PLCB4: variants seen among roughly 807,000 people sequenced by gnomAD.
The protein encoded by PLCB4 is phospholipase C beta 4, also known as 1-phosphatidylinositol 4,5-bisphosphate phosphodiesterase beta-4.
In PLCB4, 77 loss-of-function variants were observed where a neutral mutation model predicts 178.8. That is an observed-to-expected ratio of 0.43 (90% confidence interval 0.36 to 0.52). The LOEUF (loss-of-function observed/expected upper bound fraction) is 0.52. Among genes scored for constraint, PLCB4 ranks in the 20% least tolerant of loss-of-function variants. The pLI is 0.00. For missense variants in PLCB4, 1,024 were observed against 1,453.4 expected, an observed-to-expected ratio of 0.70 and a Z score of 4.80; for synonymous variants, 496 against 490.8, an observed-to-expected ratio of 1.01 and a Z score of -0.14.
chr20:9,235,384 AG>A (rs1422688023), intron 3 of PLCB4, among the ~76,000 whole-genome samples: 1 of 152,212 alleles, frequency 6.6e-6, no homozygotes, highest in East Asian at 1.9e-4. Flanking sequence ...TGCTCCTGTT[AG>A]GCCATAAATG....
intron 28 of PLCB4, among the ~76,000 whole-genome samples, chr20:9,428,826 A>G (rs1262745180): frequency 1.3e-5 from 2 of 152,134 alleles, no homozygotes; most frequent in Non-Finnish European, 2.9e-5. Flanking sequence ...AATGATTTGA[A>G]AAGCATTGGT....
At chr20:9,098,195 A>G (rs2090992601) in intron 2 of PLCB4, among the ~76,000 whole-genome samples, 1 of 152,274 alleles carries the variant, frequency 6.6e-6, no homozygotes, top group Middle Eastern at 3.4e-3. Flanking sequence ...AAAGACAGAG[A>G]GTGAGGATAA....
rs1167159189 is a variant in PLCB4, at chr20:9,249,014, G to A, written c.-16+31562G>A. Among the ~76,000 whole-genome samples, 6 of 152,244 alleles carry A rather than the reference G, an allele frequency of 3.9e-5. 1 individual carries two copies. Among genetic ancestry groups the A allele is most frequent in the East Asian group, 1.9e-4 (1 of 5,176 alleles). On this transcript the variant is annotated intron_variant, in intron 3 of 39. Coordinates refer to ENST00000378473, the MANE Select transcript of PLCB4 (RefSeq NM_001377142.1). ...CTAGCAGTTGCCTGCTTTCCTTGGC[G>A]TGTAGCTCCCTTCTATCTTCAAAAC...
intron 2 of PLCB4, among the ~76,000 whole-genome samples, chr20:9,144,939 T>C (rs2146894172): frequency 6.6e-6 from 1 of 152,212 alleles, no homozygotes; most frequent in Middle Eastern, 3.4e-3. Flanking sequence ...GGCAGAGCTA[T>C]TTTCCTAGCT....
rs540462108 is a variant in PLCB4, at chr20:9,432,205, CACAAAAATAT to C, written c.2525-3346_2525-3337del. ...AATATGTATTCATGTGCAAAAATGACACAAAAATATACAAAAATGCTTGGTTAGGATAGAT... is the reference window on the plus strand; with the variant it reads ...AATATGTATTCATGTGCAAAAATGACACAAAAATGCTTGGTTAGGATAGAT... On this transcript the variant is annotated intron_variant, in intron 28 of 39. Coordinates refer to ENST00000378473, the MANE Select transcript of PLCB4 (RefSeq NM_001377142.1). 1.1e-3 allele frequency among the ~76,000 whole-genome samples: 163 copies of C among 152,210 alleles called. 1 individual carries two copies. Among genetic ancestry groups the C allele is most frequent in the African/African-American group, 2.9e-3 (120 of 41,536 alleles).
At chr20:9,397,512 C>T (rs1844516821) in intron 19 of PLCB4, among the ~76,000 whole-genome samples, 3 of 152,178 alleles carry the variant, frequency 2.0e-5, no homozygotes, top group Admixed American at 2.0e-4. Flanking sequence ...TTACTTTGCC[C>T]AGATCCATCA....
intron 36 of PLCB4, among the ~76,000 whole-genome samples, chr20:9,471,708 A>G (rs1314761873): frequency 6.6e-6 from 1 of 152,224 alleles, no homozygotes; most frequent in African/African-American, 2.4e-5. Context: ...GCTCCATTCC[A>G]TAGGAGCATC....
chr20:9,299,844 G>C (rs369850850), intron 3 of PLCB4, among the ~76,000 whole-genome samples: 14 of 151,784 alleles, frequency 9.2e-5, no homozygotes, highest in African/African-American at 3.4e-4. Flanking sequence ...ATATTTCAAG[G>C]CTATAGAAAT....
chr20:9,192,472 T>C (rs1434060761), intron 2 of PLCB4, among the ~76,000 whole-genome samples: 2 of 152,022 alleles, frequency 1.3e-5, no homozygotes, highest in African/African-American at 2.4e-5. Flanking sequence ...AGAAAGGTCC[T>C]GCCTGTGTTT....
At chr20:9,319,978 A>G (rs2094941342) in intron 4 of PLCB4, among the ~76,000 whole-genome samples, 1 of 152,220 alleles carries the variant, frequency 6.6e-6, no homozygotes, top group Non-Finnish European at 1.5e-5. Context: ...ATAAATGATC[A>G]GGAAAGTATC....
chr20:9,151,419 G>GTC (rs1568844521), intron 2 of PLCB4, among the ~76,000 whole-genome samples: 1 of 152,134 alleles, frequency 6.6e-6, no homozygotes, highest in African/African-American at 2.4e-5. Context: ...ATTCCCACAT[G>GTC]TGGTGGGAGG....
intron 2 of PLCB4, among the ~76,000 whole-genome samples, chr20:9,106,511 G>A (rs867359625): frequency 7.4e-5 from 11 of 149,216 alleles, no homozygotes; most frequent in Admixed American, 3.3e-4. Context: ...ACAGATATTC[G>A]GAATAAAATA....
At chr20:9,339,762 G>A (rs924336449) in intron 7 of PLCB4, among the ~76,000 whole-genome samples, 1 of 152,088 alleles carries the variant, frequency 6.6e-6, no homozygotes, top group Non-Finnish European at 1.5e-5. Flanking sequence ...GGTCTGGATG[G>A]TTAAGAAATC....
At chr20:9,397,478 G>A (rs796306010) in intron 19 of PLCB4, among the ~76,000 whole-genome samples, 28 of 152,256 alleles carry the variant, frequency 1.8e-4, no homozygotes, top group African/African-American at 6.3e-4. Flanking sequence ...CATCTAGAAT[G>A]GTGAACATCA....
intron 10 of PLCB4, among the ~76,000 whole-genome samples, chr20:9,371,744 G>A (rs141345888): frequency 4.1e-3 from 617 of 152,112 alleles, no homozygotes; most frequent in Admixed American, 5.6e-3. Flanking sequence ...ATCTCTCCCC[G>A]CACCATTTGT....
At chr20:9,334,723 G>A (rs2032200415) in intron 4 of PLCB4, among the ~76,000 whole-genome samples, 1 of 152,096 alleles carries the variant, frequency 6.6e-6, no homozygotes, top group African/African-American at 2.4e-5. Flanking sequence ...GAGGGAACTG[G>A]TGCGTAGTGA....
At chr20:9,118,971 C>T (rs530264067) in intron 2 of PLCB4, among the ~76,000 whole-genome samples, 10 of 152,178 alleles carry the variant, frequency 6.6e-5, no homozygotes, top group African/African-American at 2.2e-4. Context: ...CTTAAGATAT[C>T]GGAAGTCTGG....
At chr20:9,351,050 T>G (rs950785155) in intron 7 of PLCB4, among the ~76,000 whole-genome samples, 3 of 152,138 alleles carry the variant, frequency 2.0e-5, no homozygotes, top group Non-Finnish European at 2.9e-5. Context: ...CTTAAAAAAG[T>G]CCACATATAA....
At chr20:9,303,704 G>A (rs942657251) in intron 3 of PLCB4, among the ~76,000 whole-genome samples, 1 of 152,110 alleles carries the variant, frequency 6.6e-6, no homozygotes, top group Non-Finnish European at 1.5e-5. Flanking sequence ...TAAATACCCA[G>A]AAGTGGGATT....
Sources: gnomAD v4.1 joint callset for allele counts (sites outside exome capture counted in the v4.1 genomes callset) on GRCh38, gnomAD v4.1.1 for gene constraint, MANE v1.5 for transcripts, NCBI Gene and HGNC (gene_info 2026-07-23, HGNC 2026-07-21) for gene names.